Variants in ARPP21 observed in about 807,000 individuals in gnomAD.
ARPP21 encodes cAMP regulated phosphoprotein 21.
Under a neutral mutation model 113.2 loss-of-function variants are expected in ARPP21, and 69 were observed. The ratio of observed to expected loss-of-function variants is 0.61; its 90% CI spans 0.50 to 0.74. ARPP21 has a LOEUF of 0.74. Among genes scored for constraint, ARPP21 ranks in the 30% least tolerant of loss-of-function variants. The pLI, the probability that ARPP21 is intolerant of heterozygous loss-of-function variation, is 0.00. For missense variants in ARPP21, 1,070 were observed against 1,037.4 expected (o/e 1.03, Z -0.43); for synonymous variants, 368 against 375.5 (o/e 0.98, Z 0.23).
intron 19 of ARPP21, among the ~76,000 whole-genome samples, chr3:35,790,800 T>G (rs1353393424): frequency 6.6e-6 from 1 of 152,242 alleles, no homozygotes; most frequent in Non-Finnish European, 1.5e-5. Flanking sequence ...TCGTAATATG[T>G]GGTGTCTTTA....
In ARPP21 at chr3:35,690,869, C is replaced by A; in HGVS notation, c.550C>A (p.His184Asn). The A allele has an allele frequency of 6.2e-7, 1 of 1,602,656 alleles. No homozygotes were observed. The highest frequency in any genetic ancestry group is 1.7e-5 in the Admixed American group (1 of 57,874). The change falls in exon 9 of 21, where the codon CAT becomes AAT. Residue 184 changes from histidine (H) to asparagine (N), a missense_variant. By Grantham distance (68) the His-to-Asn change is moderately conservative. Coordinates refer to ENST00000684406, the MANE Select transcript of ARPP21 (RefSeq NM_001385562.1). ...TTTTCTTGAATTATGTTCTAGTAAT[C>A]ATTATAAAAAGTTCCCTCAGATGTC... ...IIDFIADNNN[H>N]YKKFPQMSSY...
At chr3:35,730,780 A>G (rs1023178986) in intron 15 of ARPP21, among the ~76,000 whole-genome samples, 7 of 152,214 alleles carry the variant, frequency 4.6e-5, no homozygotes, top group Non-Finnish European at 8.8e-5. Flanking sequence ...CTGTAGTAAA[A>G]TAGTTACTTG....
At chr3:35,661,599 T>C (rs776922629) in intron 1 of ARPP21, among the ~76,000 whole-genome samples, 3 of 152,232 alleles carry the variant, frequency 2.0e-5, no homozygotes, top group Admixed American at 2.0e-4. Flanking sequence ...AGAACACTTA[T>C]AAATTTCTTA....
intron 1 of ARPP21, among the ~76,000 whole-genome samples, chr3:35,675,323 A>C (rs889614289): frequency 6.6e-6 from 1 of 151,824 alleles, no homozygotes; most frequent in Non-Finnish European, 1.5e-5. Context: ...CTCAATGGTC[A>C]CACACTCAAA....
intron 19 of ARPP21, among the ~76,000 whole-genome samples, chr3:35,746,335 C>T (rs752547089): frequency 1.1e-4 from 16 of 152,104 alleles, no homozygotes; most frequent in Non-Finnish European, 2.4e-4. Flanking sequence ...TACAGCTGGG[C>T]GTCCTTTTGT....
rs1433250727 is a variant in ARPP21, at chr3:35,749,989, C to G, written c.2137+6024C>G. Among the ~76,000 whole-genome samples the G allele has an allele frequency of 9.2e-5, 14 of 151,666 alleles. No homozygotes were observed. The East Asian group carries it at 2.5e-3, about 27-fold the overall frequency. On this transcript the variant is annotated intron_variant, in intron 19 of 20. Coordinates refer to ENST00000684406, the MANE Select transcript of ARPP21 (RefSeq NM_001385562.1). ...TGCTAGATTTATCAATTTTATTGACCTTTTCCAAGAACTAGCTCTGTTTCA... is the reference window on the plus strand; with the variant it reads ...TGCTAGATTTATCAATTTTATTGACGTTTTCCAAGAACTAGCTCTGTTTCA...
intron 9 of ARPP21, among the ~76,000 whole-genome samples, chr3:35,691,433 G>C (rs1270157137): frequency 6.6e-6 from 1 of 151,466 alleles, no homozygotes; most frequent in Non-Finnish European, 1.5e-5. Context: ...AGTTTCTGGA[G>C]TAATAAAAAG....
intron 19 of ARPP21, among the ~76,000 whole-genome samples, chr3:35,748,395 GA>G (rs1277914813): frequency 7.1e-6 from 1 of 140,236 alleles, no homozygotes; most frequent in Non-Finnish European, 1.5e-5. Context: ...AAAAAGAAAA[GA>G]AAGGGAGAAA....
chr3:35,730,259 G>A (rs1393601285), intron 15 of ARPP21, among the ~76,000 whole-genome samples: 2 of 152,216 alleles, frequency 1.3e-5, no homozygotes, highest in Admixed American at 6.5e-5. Context: ...AGGGCACTGA[G>A]ATTCTAACAT....
intron 19 of ARPP21, among the ~76,000 whole-genome samples, chr3:35,779,692 C>A (rs2016767): frequency 0.45 from 67,917 of 151,926 alleles, 16,562 homozygotes; most frequent in African/African-American, 0.62. Context: ...TTTAGGTAAA[C>A]TGTTAAAGCA....
At chr3:35,700,838 CT>C (rs1042225987) in intron 9 of ARPP21, among the ~76,000 whole-genome samples, 2 of 151,460 alleles carry the variant, frequency 1.3e-5, no homozygotes, top group Non-Finnish European at 3.0e-5. Flanking sequence ...TTTTATTTTA[CT>C]TTTTTTATTA....
chr3:35,705,971 G>A (rs924032847), intron 9 of ARPP21, among the ~76,000 whole-genome samples: 16 of 152,152 alleles, frequency 1.1e-4, no homozygotes, highest in Non-Finnish European at 5.9e-5. Flanking sequence ...CGGAGCAAAT[G>A]ATAAGTTTCT....
At chr3:35,703,660 CAT>C (rs932287316) in intron 9 of ARPP21, among the ~76,000 whole-genome samples, 26 of 151,512 alleles carry the variant, frequency 1.7e-4, no homozygotes, top group African/African-American at 6.0e-4. Context: ...AAAAGTTAGG[CAT>C]GAATGATGCA....
intron 19 of ARPP21, among the ~76,000 whole-genome samples, chr3:35,753,293 A>G (rs574809278): frequency 1.3e-5 from 2 of 152,154 alleles, no homozygotes; most frequent in African/African-American, 2.4e-5. Flanking sequence ...TAACAAATCA[A>G]TTCATGTCAA....
chr3:35,771,443 C>A (rs1273450602), intron 19 of ARPP21, among the ~76,000 whole-genome samples: 3 of 152,186 alleles, frequency 2.0e-5, no homozygotes, highest in Admixed American at 6.5e-5. Flanking sequence ...ATTCTCCTGC[C>A]TCAGCCTCCT....
chr3:35,675,310 G>T (rs2077211479), intron 1 of ARPP21, among the ~76,000 whole-genome samples: 1 of 151,706 alleles, frequency 6.6e-6, no homozygotes, highest in Admixed American at 6.6e-5. Context: ...TCTTTGGACT[G>T]GTCTCAATGG....
chr3:35,757,925 A>T (rs1357392727), intron 19 of ARPP21, among the ~76,000 whole-genome samples: 3 of 152,168 alleles, frequency 2.0e-5, no homozygotes, highest in Non-Finnish European at 4.4e-5. Flanking sequence ...TTACATAAAA[A>T]TTCAAAGCAA....
intron 1 of ARPP21, among the ~76,000 whole-genome samples, chr3:35,659,735 T>A (rs1706795484): frequency 6.6e-6 from 1 of 152,176 alleles, no homozygotes; most frequent in Non-Finnish European, 1.5e-5. Context: ...TATACAAGTT[T>A]AAAGCAGTAA....
intron 1 of ARPP21, among the ~76,000 whole-genome samples, chr3:35,670,129 A>G (rs934055739): frequency 6.6e-6 from 1 of 152,168 alleles, no homozygotes; most frequent in Non-Finnish European, 1.5e-5. Flanking sequence ...AGATTATACC[A>G]GCATTTATTT....
Sources: allele counts gnomAD v4.1 joint callset (sites outside exome capture counted in the v4.1 genomes callset), GRCh38; gene constraint gnomAD v4.1.1; transcripts MANE v1.5; gene names NCBI Gene and HGNC (gene_info 2026-07-23, HGNC 2026-07-21).